CHRNA9: variants seen among roughly 807,000 people sequenced by gnomAD.
CHRNA9 encodes neuronal acetylcholine receptor subunit alpha-9.
CHRNA9 carries 24 observed loss-of-function variants against 36.8 expected under a neutral mutation model. That is an observed-to-expected ratio of 0.65 (90% confidence interval 0.47 to 0.92). The LOEUF (loss-of-function observed/expected upper bound fraction) is 0.92, where lower values mean the gene tolerates loss of function less well. Among genes scored for constraint, CHRNA9 ranks in the 40% least tolerant of loss-of-function variants. The pLI is 0.00. For synonymous variants in CHRNA9, 231 were observed against 231.8 expected (o/e 1.00, Z 0.03); for missense variants, 610 against 601.2 (o/e 1.01, Z -0.15).
At chr4:40,344,631 C>A (rs1018286164) in intron 3 of CHRNA9, among the ~76,000 whole-genome samples, 2 of 151,854 alleles carry the variant, frequency 1.3e-5, no homozygotes, top group Non-Finnish European at 2.9e-5. Context: ...TAAAAAGAAG[C>A]CTTAAGGTAT....
intron 4 of CHRNA9, among the ~76,000 whole-genome samples, chr4:40,350,586 C>T (rs963115133): frequency 2.6e-5 from 4 of 151,942 alleles, no homozygotes; most frequent in Admixed American, 6.6e-5. Context: ...GGAGATGTTG[C>T]CTTGCCCTTT....
In CHRNA9 at chr4:40,335,410, G is replaced by C. The variant is rs1712284579; in HGVS notation, c.-58G>C. 3 of 1,270,102 alleles carry C rather than the reference G, an allele frequency of 2.4e-6. No individual in the cohort carries two copies. In the Admixed American group the frequency reaches 5.0e-5, roughly 21 times the overall value. 78.7% of individuals were successfully genotyped at this position (1,270,102 alleles called of 1,614,324 possible). A position where few individuals can be genotyped will look rare whatever the true frequency, so the allele number is the denominator to read the frequency against. On this transcript the variant is annotated 5_prime_UTR_variant, in exon 1 of 5. Transcript: ENST00000310169. ...TGCCCAGATCCTTTGTATTCATAGG[G>C]GGAAGTGGAAGACCACGCTGCCTGA... is the stretch of plus-strand genomic sequence containing the variant.
At chr4:40,343,703 C>T (rs778758480) in intron 3 of CHRNA9, among the ~76,000 whole-genome samples, 5 of 152,160 alleles carry the variant, frequency 3.3e-5, no homozygotes, top group South Asian at 2.1e-4. Context: ...TCCCAACCTC[C>T]GGCTTACATT....
Position 40,354,582 on chromosome 4 carries a change from A to G in CHRNA9, c.*62A>G, listed in dbSNP as rs1003330176. 8.2e-6 allele frequency: 11 copies of G among 1,340,210 alleles called. No homozygotes were observed. The African/African-American group carries it at 1.0e-4, about 12-fold the overall frequency. The allele number at this position is 1,340,210 out of a possible 1,614,324, so 83.0% of individuals were successfully genotyped here. ...ATACAATTCCCTGTGATCTATTCCA[A>G]TGTTCTTCCAAGATTTTTGTTCATC... On this transcript the variant is annotated 3_prime_UTR_variant, in exon 5 of 5. Transcript: ENST00000310169.
chr4:40,344,271 C>G (rs1463455879), intron 3 of CHRNA9, among the ~76,000 whole-genome samples: 1 of 152,192 alleles, frequency 6.6e-6, no homozygotes, highest in Non-Finnish European at 1.5e-5. Flanking sequence ...TGGCTCGTGC[C>G]TGTAATCCCA....
Position 40,354,928 on chromosome 4 carries a change from A to G in CHRNA9, c.*408A>G. The G allele has an allele frequency of 6.0e-6, 1 of 167,880 alleles. No homozygotes were observed. The highest frequency in any genetic ancestry group is 1.5e-4 in the South Asian group (1 of 6,710). 10.4% of individuals were successfully genotyped at this position (167,880 alleles called of 1,614,324 possible). On this transcript the variant is annotated 3_prime_UTR_variant, in exon 5 of 5. Transcript: ENST00000310169. Reference sequence around the variant, plus strand: ...TGCATTTGAAAAATGAAATAGTCATATATATATTAGTGTGATTTAAGTCTC... The same window carrying G: ...TGCATTTGAAAAATGAAATAGTCATGTATATATTAGTGTGATTTAAGTCTC...
At chr4:40,349,692 A>G in intron 4 of CHRNA9, 1 of 351,014 alleles carries the variant, frequency 2.8e-6, no homozygotes, top group East Asian at 4.7e-5. Flanking sequence ...CCCCAGATGC[A>G]CAGCATCGGC....
chr4:40,345,076 C>A (rs1712599844), intron 3 of CHRNA9, among the ~76,000 whole-genome samples: 1 of 152,076 alleles, frequency 6.6e-6, no homozygotes. Flanking sequence ...GTGAAGGAGA[C>A]CAGCAGAAGG....
intron 4 of CHRNA9, chr4:40,350,073 G>A (rs530542762): frequency 2.0e-5 from 3 of 152,324 alleles, no homozygotes; most frequent in African/African-American, 4.8e-5. Flanking sequence ...ATCATTTCAC[G>A]TGACAAGGGC....
chr4:40,353,214 G>A (rs931586552), intron 4 of CHRNA9, among the ~76,000 whole-genome samples: 10 of 152,152 alleles, frequency 6.6e-5, no homozygotes, highest in South Asian at 6.2e-4. Context: ...ACTATAGCCC[G>A]GCGCGGTGGC....
Position 40,335,424 on chromosome 4 carries a change from C to G in CHRNA9, c.-44C>G. ...GTATTCATAGGGGGAAGTGGAAGACCACGCTGCCTGACTGAGACTTTATTA... is the reference window on the plus strand; with the variant it reads ...GTATTCATAGGGGGAAGTGGAAGACGACGCTGCCTGACTGAGACTTTATTA... On this transcript the variant is annotated 5_prime_UTR_variant, in exon 1 of 5. Transcript: ENST00000310169. 2 of 1,465,036 alleles carry G rather than the reference C, an allele frequency of 1.4e-6. No homozygotes were observed. Among genetic ancestry groups the G allele is most frequent in the Non-Finnish European group, 1.9e-6 (2 of 1,043,654 alleles). The allele number at this position is 1,465,036 out of a possible 1,614,324, so 90.8% of individuals were successfully genotyped here.
rs1467178689 is a variant in CHRNA9 at position 40,335,844 on chromosome 4, G to A, written c.82G>A (p.Gly28Arg). 1 of 1,613,340 alleles carries A rather than the reference G, an allele frequency of 6.2e-7. No homozygotes were observed. The highest frequency in any genetic ancestry group is 8.5e-7 in the Non-Finnish European group (1 of 1,179,408). ...SRLRAAETADGKYAQKLFNDL... is the reference protein window; with the variant it reads ...SRLRAAETADRKYAQKLFNDL... The stretch of plus-strand genomic sequence containing the variant: ...TTGAGTAGCTGCAGAGACGGCAGAT[G>A]GAAAATATGCTCAGAAGTTGTTTAA... The change falls in exon 2 of 5, where the codon GGA (glycine) becomes AGA (arginine). Residue 28 changes from glycine to arginine, a missense_variant. Coordinates refer to ENST00000310169, the MANE Select transcript of CHRNA9 (RefSeq NM_017581.4).
rs758384454 is a variant in CHRNA9, at chr4:40,337,196, G to A, written c.211-14G>A. 3.5e-5 allele frequency: 56 copies of A among 1,613,074 alleles called. No individual in the cohort carries two copies. The highest frequency in any genetic ancestry group is 4.7e-5 in the Non-Finnish European group (56 of 1,179,182). On this transcript the variant is annotated splice_polypyrimidine_tract_variant and intron_variant, in intron 2 of 4. Coordinates refer to ENST00000310169, the MANE Select transcript of CHRNA9 (RefSeq NM_017581.4). ...TGTCTGCTAGGTAAAGCGACATCTG[G>A]ATTCATTGTGTAGGATGAAAGAAAC...
At chr4:40,342,937 G>T (rs1480481117) in intron 3 of CHRNA9, among the ~76,000 whole-genome samples, 7 of 151,950 alleles carry the variant, frequency 4.6e-5, no homozygotes, top group African/African-American at 1.7e-4. Context: ...AGAGAGGGGG[G>T]AACTTCTTTT....
intron 3 of CHRNA9, among the ~76,000 whole-genome samples, 161 bp downstream of exon 3, chr4:40,337,525 AAAT>A (rs1333131362): frequency 6.6e-6 from 1 of 152,264 alleles, no homozygotes; most frequent in African/African-American, 2.4e-5. Flanking sequence ...TTAGATCAGG[AAAT>A]AATATGTCAT....
intron 3 of CHRNA9, among the ~76,000 whole-genome samples, chr4:40,345,804 C>T (rs1010650734): frequency 1.3e-5 from 2 of 152,082 alleles, no homozygotes; most frequent in South Asian, 2.1e-4. Context: ...GCGGGTGGAT[C>T]ACCTGAGGTC....
intron 4 of CHRNA9, among the ~76,000 whole-genome samples, chr4:40,351,466 G>A (rs535356999): frequency 9.9e-5 from 15 of 152,062 alleles, no homozygotes; most frequent in East Asian, 2.0e-4. Flanking sequence ...GTGAGCCACC[G>A]CAACTGGCTG....
chr4:40,340,255 T>C (rs1224537437), intron 3 of CHRNA9, among the ~76,000 whole-genome samples: 1 of 152,164 alleles, frequency 6.6e-6, no homozygotes, highest in Non-Finnish European at 1.5e-5. Context: ...CACTGATTCA[T>C]CATCTCCTTT....
chr4:40,345,038 G>T (rs1231244538), intron 3 of CHRNA9, among the ~76,000 whole-genome samples: 1 of 152,182 alleles, frequency 6.6e-6, no homozygotes, highest in Non-Finnish European at 1.5e-5. Context: ...GGTTTGTTGG[G>T]ATTTCAGCCT....
Sources: allele counts gnomAD v4.1 joint callset (sites outside exome capture counted in the v4.1 genomes callset), GRCh38; gene constraint gnomAD v4.1.1; transcripts MANE v1.5; gene names NCBI Gene and HGNC (gene_info 2026-07-23, HGNC 2026-07-21).